TMEM71: variants seen among roughly 807,000 people sequenced by gnomAD.
The protein encoded by TMEM71 is transmembrane protein 71.
A neutral mutation model predicts 38.0 loss-of-function variants in TMEM71; 44 were observed. The observed-to-expected ratio is 1.16, with a 90% CI of 0.91 to 1.49. The LOEUF is 1.49. TMEM71 is among the 40% of genes most tolerant of loss of function. The pLI is 0.00. For missense variants in TMEM71, 367 were observed against 348.6 expected, an observed-to-expected ratio of 1.05 and a Z score of -0.42; for synonymous variants, 133 against 122.5, an observed-to-expected ratio of 1.09 and a Z score of -0.56.
chr8:132,714,331 A>C (rs1257923980), intron 7 of TMEM71, 116 bp from the exon 8 acceptor site: 6 of 789,284 alleles, frequency 7.6e-6, no homozygotes, highest in African/African-American at 5.1e-5. Context: ...AACTACAGTA[A>C]TAAAGACAGT....
the TMEM71 span, among the ~76,000 whole-genome samples, chr8:132,767,807 G>C: frequency 5.3e-5 from 8 of 152,140 alleles, no homozygotes; most frequent in Non-Finnish European, 1.2e-4. Context: ...AGCAGCTTGA[G>C]CTTATTGGAC....
rs1386922613 is a variant in TMEM71, at chr8:132,738,128, T to C, written c.487+8814A>G. On this transcript the variant is annotated intron_variant, in intron 5 of 9. Coordinates refer to ENST00000677595, the MANE Select transcript of TMEM71 (RefSeq NM_001382403.1). ...TGACATTTTTCATGAATTATTGCATTTCATCCTCCCCATTCTATATGCTAT... is the reference window on the plus strand; with the variant it reads ...TGACATTTTTCATGAATTATTGCATCTCATCCTCCCCATTCTATATGCTAT... 1.4e-4 allele frequency among the ~76,000 whole-genome samples: 21 copies of C among 146,892 alleles called. No individual in the cohort carries two copies. In the Admixed American group the frequency reaches 1.5e-3, roughly 10 times the overall value.
At chr8:132,730,548 T>C (rs527648377) in intron 5 of TMEM71, among the ~76,000 whole-genome samples, 1 of 152,306 alleles carries the variant, frequency 6.6e-6, no homozygotes, top group Admixed American at 6.5e-5. Flanking sequence ...GATGTTACCG[T>C]CTGGCTTTAA....
At chr8:132,725,152 C>A (rs565879248) in intron 6 of TMEM71, among the ~76,000 whole-genome samples, 1 of 152,050 alleles carries the variant, frequency 6.6e-6, no homozygotes, top group Non-Finnish European at 1.5e-5. Context: ...ATTCTCCCAC[C>A]TCAGCTTCCC....
At chr8:132,719,784 C>T (rs1356841389) in intron 7 of TMEM71, among the ~76,000 whole-genome samples, 1 of 152,154 alleles carries the variant, frequency 6.6e-6, no homozygotes, top group African/African-American at 2.4e-5. Context: ...ATTATTATTA[C>T]TGTGGTATGT....
chr8:132,729,922 C>G (rs533401183), intron 5 of TMEM71, among the ~76,000 whole-genome samples: 1 of 152,064 alleles, frequency 6.6e-6, no homozygotes, highest in Non-Finnish European at 1.5e-5. Context: ...GAAAATGTCT[C>G]CGCCAACACT....
the TMEM71 span, among the ~76,000 whole-genome samples, chr8:132,770,177 C>T: frequency 6.6e-6 from 1 of 152,212 alleles, no homozygotes; most frequent in East Asian, 1.9e-4. Context: ...ATTTGTCTCT[C>T]ATTTGGCTTG....
intron 3 of TMEM71, among the ~76,000 whole-genome samples, chr8:132,756,411 T>TATTATATATATATATA (rs1554619985): frequency 2.6e-5 from 3 of 115,836 alleles, no homozygotes; most frequent in African/African-American, 4.1e-5. Context: ...AACATATATA[T>TATTATATATATATATA]TATATATATA....
At chr8:132,721,924 A>T (rs1461274110) in intron 7 of TMEM71, 116 bp downstream of exon 7, 21 of 875,826 alleles carry the variant, frequency 2.4e-5, no homozygotes, top group East Asian at 1.5e-4. Flanking sequence ...CACATGAACG[A>T]ATCTCAACCA....
chr8:132,717,669 A>G (rs914816119), intron 7 of TMEM71, among the ~76,000 whole-genome samples: 4 of 152,214 alleles, frequency 2.6e-5, no homozygotes, highest in East Asian at 1.9e-4. Context: ...GTGCAGTCCT[A>G]TTGGAAAACG....
chr8:132,737,785 C>A lies in TMEM71; in HGVS notation c.487+9157G>T, dbSNP rs114373867. Among the ~76,000 whole-genome samples the A allele has an allele frequency of 3.3e-5, 5 of 152,238 alleles. No individual in the cohort carries two copies. In the South Asian group the frequency reaches 1.0e-3, roughly 32 times the overall value. On this transcript the variant is annotated intron_variant, in intron 5 of 9. Transcript: ENST00000677595. ...TCAACCTCCTGAATTCCTTTCTTACCGCTCCTTTCTTCTCATTCACTTGTT... is the reference window on the plus strand; with the variant it reads ...TCAACCTCCTGAATTCCTTTCTTACAGCTCCTTTCTTCTCATTCACTTGTT...
chr8:132,717,203 G>A (rs756470318), intron 7 of TMEM71, among the ~76,000 whole-genome samples: 1 of 151,988 alleles, frequency 6.6e-6, no homozygotes, highest in Non-Finnish European at 1.5e-5. Context: ...GACACCAAAA[G>A]CACAGACCAC....
chr8:132,733,235 A>C (rs1827557826), intron 5 of TMEM71, among the ~76,000 whole-genome samples: 1 of 152,168 alleles, frequency 6.6e-6, no homozygotes, highest in African/African-American at 2.4e-5. Context: ...AGGTCACTTC[A>C]TCTGTCCCAG....
Position 132,711,024 on chromosome 8 carries a change from C to T in TMEM71, c.873-42G>A, listed in dbSNP as rs16893323. ...AGAAAAGAAATGCATAATTCATCCC[C>T]ATGCACAGGAAATGCAGTATCTAAT... is the stretch of plus-strand genomic sequence containing the variant. On this transcript the variant is annotated intron_variant, in intron 9 of 9. Coordinates refer to ENST00000677595, the MANE Select transcript of TMEM71 (RefSeq NM_001382403.1). 59,543 of 1,596,334 alleles carry T rather than the reference C, an allele frequency of 0.037. 6,753 individuals carry two copies. In the African/African-American group the frequency reaches 0.41, roughly 11 times the overall value.
intron 2 of TMEM71, chr8:132,758,628 T>A: frequency 1.9e-6 from 1 of 522,012 alleles, no homozygotes; most frequent in Non-Finnish European, 3.4e-6. Context: ...CGGTGATTTT[T>A]TTTTTTCTAC....
At chr8:132,749,153 GC>G (rs1185457078) in intron 4 of TMEM71, among the ~76,000 whole-genome samples, 2 of 152,168 alleles carry the variant, frequency 1.3e-5, no homozygotes, top group African/African-American at 4.8e-5. Context: ...GAAGGAGGGT[GC>G]CTAACCAATG....
chr8:132,753,305 T>G (rs1331700262), intron 3 of TMEM71, among the ~76,000 whole-genome samples: 2 of 150,932 alleles, frequency 1.3e-5, no homozygotes, highest in African/African-American at 5.0e-5. Flanking sequence ...ATATTTGAAT[T>G]CTTGGGGTGG....
At chr8:132,744,920 G>A (rs1828252561) in intron 5 of TMEM71, among the ~76,000 whole-genome samples, 2 of 152,152 alleles carry the variant, frequency 1.3e-5, no homozygotes, top group African/African-American at 2.4e-5. Context: ...ACAAAAAATA[G>A]CAATAGGGAA....
chr8:132,725,204 A>C (rs1827075924), intron 6 of TMEM71, among the ~76,000 whole-genome samples: 1 of 151,934 alleles, frequency 6.6e-6, no homozygotes, highest in Non-Finnish European at 1.5e-5. Context: ...TGCCCAGATA[A>C]TTTTTTGTAG....
Sources: gnomAD v4.1 joint callset for allele counts (sites outside exome capture counted in the v4.1 genomes callset) on GRCh38, gnomAD v4.1.1 for gene constraint, MANE v1.5 for transcripts, NCBI Gene and HGNC (gene_info 2026-07-23, HGNC 2026-07-21) for gene names.